DCC: variants seen among roughly 807,000 people sequenced by gnomAD.
DCC encodes the protein DCC netrin 1 receptor.
DCC carries 58 observed loss-of-function variants against 172.5 expected under a neutral mutation model. That is an observed-to-expected ratio of 0.34 (90% CI 0.27 to 0.42). DCC has a LOEUF of 0.42. Among genes scored for constraint, DCC ranks in the 10% least tolerant of loss-of-function variants. DCC has a pLI of 1.00. For missense variants in DCC, 1,740 were observed against 1,791.0 expected, an observed-to-expected ratio of 0.97 and a Z score of 0.51; for synonymous variants, 709 against 644.5, an observed-to-expected ratio of 1.10 and a Z score of -1.52.
At chr18:53,219,079 TACTC>T in intron 12 of DCC, among the ~76,000 whole-genome samples, 1 of 152,156 alleles carries the variant, frequency 6.6e-6, no homozygotes, top group Non-Finnish European at 1.5e-5. Flanking sequence ...ATTCAACACT[TACTC>T]TGTACCTGTT....
intron 1 of DCC, among the ~76,000 whole-genome samples, chr18:52,747,133 G>A (rs2036917954): frequency 6.6e-6 from 1 of 152,140 alleles, no homozygotes; most frequent in African/African-American, 2.4e-5. Context: ...ACATTTGGAG[G>A]GAGAGAGAGA....
At chr18:53,184,653 C>T (rs1598885375) in intron 9 of DCC, among the ~76,000 whole-genome samples, 1 of 152,018 alleles carries the variant, frequency 6.6e-6, no homozygotes, top group East Asian at 1.9e-4. Flanking sequence ...TAATGCATTG[C>T]ATTAGAATGA....
At chr18:53,395,150 CA>C (rs35414902) in intron 17 of DCC, among the ~76,000 whole-genome samples, 30,934 of 124,952 alleles carry the variant, frequency 0.25, 3,591 homozygotes, top group East Asian at 0.42. Context: ...AACTCCATCT[CA>C]AAAAAAAAAA....
intron 25 of DCC, among the ~76,000 whole-genome samples, chr18:53,473,169 G>A (rs2045719546): frequency 6.6e-6 from 1 of 152,128 alleles, no homozygotes; most frequent in South Asian, 2.1e-4. Context: ...ACATGTTCTT[G>A]TAGCACGATA....
At chr18:53,450,020 C>T (rs1599163899) in intron 22 of DCC, among the ~76,000 whole-genome samples, 1 of 151,928 alleles carries the variant, frequency 6.6e-6, no homozygotes, top group East Asian at 1.9e-4. Context: ...TTGTGTCTGG[C>T]TTCTCTCACT....
intron 25 of DCC, among the ~76,000 whole-genome samples, chr18:53,473,843 C>T (rs2045728217): frequency 6.6e-6 from 1 of 152,128 alleles, no homozygotes; most frequent in Non-Finnish European, 1.5e-5. Context: ...ATTGTCTAAA[C>T]ATGGAAGCTG....
intron 12 of DCC, among the ~76,000 whole-genome samples, chr18:53,250,311 A>C (rs556201780): frequency 4.1e-4 from 62 of 151,974 alleles, no homozygotes; most frequent in Non-Finnish European, 7.1e-4. Flanking sequence ...TTAAAAACTA[A>C]TTTAAAAAAA....
chr18:52,952,797 C>G (rs1189649084), intron 5 of DCC, among the ~76,000 whole-genome samples: 1 of 151,732 alleles, frequency 6.6e-6, no homozygotes, highest in Non-Finnish European at 1.5e-5. Context: ...GCCAGGAGTT[C>G]AAGACTATCC....
chr18:53,488,716 C>G (rs913344148), intron 26 of DCC, among the ~76,000 whole-genome samples: 11 of 152,074 alleles, frequency 7.2e-5, no homozygotes, highest in African/African-American at 2.7e-4. Flanking sequence ...TTGTTTTTAT[C>G]TGTGGTTAAA....
chr18:52,427,855 C>T (rs200099492), intron 1 of DCC, among the ~76,000 whole-genome samples: 1,263 of 69,632 alleles, frequency 0.018, 30 homozygotes, highest in African/African-American at 0.064. Context: ...TTCCTTCCTT[C>T]CTTCCTTCCT....
At chr18:53,505,025 CT>C (rs915398439) in intron 27 of DCC, among the ~76,000 whole-genome samples, 12 of 152,068 alleles carry the variant, frequency 7.9e-5, no homozygotes, top group African/African-American at 2.2e-4. Flanking sequence ...TTTTCCCCCC[CT>C]AAAAGGGGTC....
At chr18:53,339,582 A>G (rs1216534327) in intron 14 of DCC, 131 bp from the exon 15 acceptor site, 2 of 769,682 alleles carry the variant, frequency 2.6e-6, no homozygotes, top group East Asian at 5.0e-5. Flanking sequence ...TAAAATAAAG[A>G]GTGACTTGGG....
chr18:52,472,632 G>A (rs929252898), intron 1 of DCC, among the ~76,000 whole-genome samples: 2 of 152,214 alleles, frequency 1.3e-5, no homozygotes, highest in Non-Finnish European at 2.9e-5. Context: ...GCCAGCAGCA[G>A]TGGCTCACGC....
chr18:53,370,987 C>T (rs1236178857), intron 15 of DCC, among the ~76,000 whole-genome samples: 1 of 151,856 alleles, frequency 6.6e-6, no homozygotes, highest in Non-Finnish European at 1.5e-5. Flanking sequence ...AACACTTCTA[C>T]CAGTGATACT....
intron 1 of DCC, among the ~76,000 whole-genome samples, chr18:52,723,197 T>C (rs2036499246): frequency 6.6e-6 from 1 of 152,354 alleles, no homozygotes. Context: ...TTATATTGTT[T>C]GTTTGTCTTT....
chr18:53,527,704 A>G (rs1247009686), intron 28 of DCC, among the ~76,000 whole-genome samples: 2 of 152,022 alleles, frequency 1.3e-5, no homozygotes, highest in African/African-American at 4.8e-5. Flanking sequence ...TTAAGAAAAA[A>G]AAAACATTTA....
At chr18:52,967,985 T>C (rs2040963486) in intron 5 of DCC, among the ~76,000 whole-genome samples, 1 of 152,184 alleles carries the variant, frequency 6.6e-6, no homozygotes, top group Non-Finnish European at 1.5e-5. Flanking sequence ...TGTTCAATGG[T>C]CATCAGATTT....
intron 1 of DCC, among the ~76,000 whole-genome samples, chr18:52,675,123 A>G (rs2035625897): frequency 6.6e-6 from 1 of 151,958 alleles, no homozygotes. Context: ...CAGTGGTGCA[A>G]TCTCTGCTCA....
chr18:52,534,548 G>A (rs1448886418), intron 1 of DCC, among the ~76,000 whole-genome samples: 3 of 152,054 alleles, frequency 2.0e-5, no homozygotes, highest in Admixed American at 6.6e-5. Context: ...TTCATTTATT[G>A]CGCAAATATT....
Sources: allele counts gnomAD v4.1 joint callset (sites outside exome capture counted in the v4.1 genomes callset), GRCh38; gene constraint gnomAD v4.1.1; transcripts MANE v1.5; gene names NCBI Gene and HGNC (gene_info 2026-07-23, HGNC 2026-07-21).